Variants in SCTR observed in about 807,000 individuals in gnomAD.
SCTR encodes the protein secretin receptor, also known as pancreatic secretin receptor.
A neutral mutation model predicts 60.8 loss-of-function variants in SCTR; 56 were observed. That is an observed-to-expected ratio of 0.92 (90% CI 0.74 to 1.15). The LOEUF (loss-of-function observed/expected upper bound fraction) is 1.15. SCTR is among the 50% of genes most tolerant of loss of function. The pLI, the probability that SCTR is intolerant of heterozygous loss-of-function variation, is 0.00. For synonymous variants in SCTR, 202 were observed against 217.0 expected, an observed-to-expected ratio of 0.93 and a Z score of 0.61; for missense variants, 562 against 550.4, an observed-to-expected ratio of 1.02 and a Z score of -0.21.
At chr2:119,445,907 C>G (rs1682908010) in intron 11 of SCTR, among the ~76,000 whole-genome samples, 1 of 152,156 alleles carries the variant, frequency 6.6e-6, no homozygotes, top group South Asian at 2.1e-4. Flanking sequence ...CTTTTTTTCA[C>G]TGATCCTTCA....
intron 1 of SCTR, among the ~76,000 whole-genome samples, chr2:119,517,200 C>A (rs1679142233): frequency 6.6e-6 from 1 of 151,762 alleles, no homozygotes; most frequent in Non-Finnish European, 1.5e-5. Flanking sequence ...CACTCTTTCA[C>A]CCAGGCTGGA....
intron 2 of SCTR, among the ~76,000 whole-genome samples, chr2:119,482,229 G>C (rs982160063): frequency 2.6e-5 from 4 of 152,224 alleles, no homozygotes; most frequent in African/African-American, 9.6e-5. Flanking sequence ...GGCCGGGCCA[G>C]GGCCTGGGTT....
In SCTR at chr2:119,465,840, C is replaced by G. The variant is rs1183944741; in HGVS notation, c.452G>C (p.Ser151Thr). 2 of 1,614,054 alleles carry G rather than the reference C, an allele frequency of 1.2e-6. No individual in the cohort carries two copies. Among genetic ancestry groups the G allele is most frequent in the African/African-American group, 1.3e-5 (1 of 75,008 alleles). ...GACCAGGAGCATGACCAGGGAGGAG[C>G]TGTAGCCCACGGTGTACATGACTTT... ...KLKVMYTVGY[S>T]SSLVMLLVAL... Residue 151 changes from serine (S) to threonine (T), a missense_variant, in exon 5 of 13, where the codon AGC (serine) becomes ACC (threonine). Coordinates refer to ENST00000019103, the MANE Select transcript of SCTR (RefSeq NM_002980.3).
At chr2:119,450,836 C>T (rs1221442634) in intron 9 of SCTR, among the ~76,000 whole-genome samples, 1 of 152,052 alleles carries the variant, frequency 6.6e-6, no homozygotes, top group Non-Finnish European at 1.5e-5. Flanking sequence ...GTGGTGGGAG[C>T]CTTTAGTCCC....
chr2:119,440,263 C>T lies in SCTR; in HGVS notation c.1183-6G>A, dbSNP rs762828554. 9.9e-6 allele frequency: 16 copies of T among 1,610,748 alleles called. No homozygotes were observed. The highest frequency in any genetic ancestry group is 3.3e-5 in the Admixed American group (2 of 59,848). ...TTCTGAACCTCCAGCTGCACCTGCC[C>T]GGGAGACCAGCCATCAGCCCAGGAG... On this transcript the variant is annotated splice_region_variant and splice_polypyrimidine_tract_variant and intron_variant, in intron 12 of 12. Coordinates refer to ENST00000019103, the MANE Select transcript of SCTR (RefSeq NM_002980.3).
rs576270219 is a variant in SCTR at position 119,479,071 on chromosome 2, C to G, written c.194-153G>C. 2.1e-5 allele frequency: 31 copies of G among 1,465,112 alleles called. 1 individual carries two copies. In the South Asian group the frequency reaches 4.0e-4, roughly 19 times the overall value. The allele number at this position is 1,465,112 out of a possible 1,614,324, so 90.8% of individuals were successfully genotyped here. A position where few individuals can be genotyped will look rare whatever the true frequency, so the allele number is the denominator to read the frequency against. On this transcript the variant is annotated intron_variant, in intron 2 of 12. Transcript: ENST00000019103. ...GGTGCTGACTCCTCAGGATCAGGAA[C>G]CTATCCTGTCTAATGCACCCTTGGA...
At chr2:119,478,981 G>C (rs1466280624) in intron 2 of SCTR, 63 bp from the exon 3 acceptor site, 3 of 1,600,638 alleles carry the variant, frequency 1.9e-6, no homozygotes, top group Non-Finnish European at 8.5e-7. Flanking sequence ...CTACCATCCT[G>C]TCCACATCAC....
chr2:119,446,718 A>C, intron 11 of SCTR, 41 bp downstream of exon 11: 11 of 1,432,164 alleles, frequency 7.7e-6, no homozygotes, highest in East Asian at 2.6e-5. Context: ...GACACAGAGA[A>C]CTCCTCTTTT....
chr2:119,451,888 C>T (rs1683182918), intron 9 of SCTR, 122 bp downstream of exon 9: 1 of 667,726 alleles, frequency 1.5e-6, no homozygotes, highest in Non-Finnish European at 2.8e-6. Context: ...CTCACAAACA[C>T]TGTGGTTTAT....
At chr2:119,495,337 CT>C (rs1678304532) in intron 1 of SCTR, 1 of 152,250 alleles carries the variant, frequency 6.6e-6, no homozygotes, top group Admixed American at 6.5e-5. Flanking sequence ...ATAATCACAC[CT>C]AGAACAGCGA....
intron 9 of SCTR, among the ~76,000 whole-genome samples, chr2:119,451,087 C>G (rs1386421615): frequency 6.6e-6 from 1 of 152,204 alleles, no homozygotes; most frequent in African/African-American, 2.4e-5. Flanking sequence ...CAAGATGCCA[C>G]CCAGGCAGCT....
chr2:119,491,562 A>G (rs1678131832), intron 2 of SCTR, among the ~76,000 whole-genome samples: 1 of 151,968 alleles, frequency 6.6e-6, no homozygotes. Context: ...CCCAGGCTGG[A>G]GTGCAATGGT....
intron 1 of SCTR, among the ~76,000 whole-genome samples, chr2:119,495,126 C>T (rs968185358): frequency 2.0e-5 from 3 of 151,938 alleles, no homozygotes; most frequent in Non-Finnish European, 4.4e-5. Flanking sequence ...CACACACACA[C>T]ACAAATGCAA....
chr2:119,451,289 C>T (rs997369703), intron 9 of SCTR, among the ~76,000 whole-genome samples: 1 of 152,216 alleles, frequency 6.6e-6, no homozygotes, highest in Admixed American at 6.5e-5. Context: ...TGCCTTCCCT[C>T]CTCTGTCCCC....
chr2:119,495,701 G>T (rs761009227), intron 1 of SCTR, among the ~76,000 whole-genome samples: 1 of 152,166 alleles, frequency 6.6e-6, no homozygotes, highest in Non-Finnish European at 1.5e-5. Flanking sequence ...CCCTTCACTA[G>T]TGCTATCGGA....
intron 1 of SCTR, among the ~76,000 whole-genome samples, chr2:119,513,179 C>T (rs1160732447): frequency 1.3e-5 from 2 of 152,240 alleles, no homozygotes; most frequent in Non-Finnish European, 2.9e-5. Flanking sequence ...CTGCCTGCTA[C>T]AGGCATTGAG....
chr2:119,483,192 G>T (rs1677710257), intron 2 of SCTR, among the ~76,000 whole-genome samples: 1 of 152,216 alleles, frequency 6.6e-6, no homozygotes, highest in Non-Finnish European at 1.5e-5. Flanking sequence ...GGCCCCCAGG[G>T]ATGCCTGGGG....
rs1683818850 is a variant in SCTR, at chr2:119,465,978, C to T, written c.406-92G>A. 6.1e-6 allele frequency: 5 copies of T among 818,576 alleles called. No individual in the cohort carries two copies. The East Asian group carries it at 1.3e-4, about 21-fold the overall frequency. The allele number at this position is 818,576 out of a possible 1,614,324, so 50.7% of individuals were successfully genotyped here. On this transcript the variant is annotated intron_variant, in intron 4 of 12. Coordinates refer to ENST00000019103, the MANE Select transcript of SCTR (RefSeq NM_002980.3). The stretch of plus-strand genomic sequence containing the variant: ...GCATCCGCTTCAGGCAGCTTGAACC[C>T]ACCGACGCTGCTATTCTGTCCATAC...
At chr2:119,494,253 T>C (rs1418956836) in intron 2 of SCTR, among the ~76,000 whole-genome samples, 175 bp downstream of exon 2, 1 of 152,182 alleles carries the variant, frequency 6.6e-6, no homozygotes, top group East Asian at 1.9e-4. Context: ...TTGGGGTCCA[T>C]GCGATCTGCT....
Sources: gnomAD v4.1 joint callset for allele counts (sites outside exome capture counted in the v4.1 genomes callset) on GRCh38, gnomAD v4.1.1 for gene constraint, MANE v1.5 for transcripts, NCBI Gene and HGNC (gene_info 2026-07-23, HGNC 2026-07-21) for gene names.